Variants in NKAIN2 observed in about 807,000 individuals in gnomAD.
NKAIN2 encodes the protein sodium/potassium-transporting ATPase subunit beta-1-interacting protein 2.
Under a neutral mutation model 32.6 loss-of-function variants are expected in NKAIN2, and 14 were observed. The observed-to-expected ratio is 0.43, with a 90% CI of 0.28 to 0.67. The LOEUF (loss-of-function observed/expected upper bound fraction) is 0.67. Among genes scored for constraint, NKAIN2 ranks in the 30% least tolerant of loss-of-function variants. The probability of loss-of-function intolerance (pLI) is 0.17; values close to 1 mark genes in which losing one functional copy is unlikely to be tolerated. For missense variants in NKAIN2, 198 were observed against 258.3 expected, an observed-to-expected ratio of 0.77 and a Z score of 1.60; for synonymous variants, 80 against 87.2, an observed-to-expected ratio of 0.92 and a Z score of 0.46.
intron 3 of NKAIN2, among the ~76,000 whole-genome samples, chr6:124,539,088 C>G (rs190459761): frequency 6.6e-6 from 1 of 152,206 alleles, no homozygotes; most frequent in Non-Finnish European, 1.5e-5. Context: ...CCATACATTC[C>G]TAATGTGTAG....
intron 4 of NKAIN2, among the ~76,000 whole-genome samples, chr6:124,686,189 C>G (rs1489034028): frequency 6.6e-6 from 1 of 152,134 alleles, no homozygotes; most frequent in East Asian, 1.9e-4. Flanking sequence ...AATATTGCAG[C>G]TTGTTTCTTG....
intron 4 of NKAIN2, among the ~76,000 whole-genome samples, chr6:124,664,924 G>A (rs1456030294): frequency 6.7e-6 from 1 of 149,532 alleles, no homozygotes; most frequent in Non-Finnish European, 1.5e-5. Flanking sequence ...ATGTATACGT[G>A]TATCTTTAAA....
intron 1 of NKAIN2, among the ~76,000 whole-genome samples, chr6:124,201,247 G>A (rs1350883258): frequency 1.3e-5 from 2 of 151,898 alleles, no homozygotes; most frequent in Admixed American, 6.6e-5. Flanking sequence ...GTGGGGGGGC[G>A]ATGGTGATTA....
intron 1 of NKAIN2, among the ~76,000 whole-genome samples, chr6:124,030,187 A>T (rs936752210): frequency 1.3e-5 from 2 of 152,216 alleles, no homozygotes; most frequent in African/African-American, 4.8e-5. Context: ...ATTCTACATT[A>T]TGGTGAGTTA....
chr6:124,455,409 G>A (rs1166534785), intron 3 of NKAIN2, among the ~76,000 whole-genome samples: 2 of 151,916 alleles, frequency 1.3e-5, no homozygotes, highest in Non-Finnish European at 2.9e-5. Flanking sequence ...ACTATGAGTA[G>A]GGTTGATCTA....
At chr6:124,149,558 T>C (rs1471161496) in intron 1 of NKAIN2, among the ~76,000 whole-genome samples, 2 of 152,222 alleles carry the variant, frequency 1.3e-5, no homozygotes, top group Non-Finnish European at 2.9e-5. Context: ...CCCATTGGAT[T>C]ATAGTATGCT....
At chr6:123,817,473 AGTTTGAATT>A (rs1330439989) in intron 1 of NKAIN2, among the ~76,000 whole-genome samples, 1 of 152,128 alleles carries the variant, frequency 6.6e-6, no homozygotes, top group African/African-American at 2.4e-5. Context: ...CTTCAGAAAG[AGTTTGAATT>A]GTCCAGAGGG....
At chr6:124,509,892 T>G (rs1022040324) in intron 3 of NKAIN2, among the ~76,000 whole-genome samples, 1 of 152,196 alleles carries the variant, frequency 6.6e-6, no homozygotes, top group Admixed American at 6.5e-5. Context: ...GTTTTATGCT[T>G]ATTTCAAAAT....
At chr6:124,343,783 C>G (rs994864906) in intron 2 of NKAIN2, among the ~76,000 whole-genome samples, 1 of 149,190 alleles carries the variant, frequency 6.7e-6, no homozygotes, top group Non-Finnish European at 1.5e-5. Flanking sequence ...TTGTAGGTTG[C>G]CTGTTCACTC....
intron 1 of NKAIN2, among the ~76,000 whole-genome samples, chr6:124,237,439 A>G (rs1329449554): frequency 6.6e-6 from 1 of 152,134 alleles, no homozygotes; most frequent in Non-Finnish European, 1.5e-5. Flanking sequence ...GTGGCTAGTT[A>G]GTAAGCAGGG....
At chr6:123,863,475 G>T (rs922577910) in intron 1 of NKAIN2, among the ~76,000 whole-genome samples, 3 of 152,122 alleles carry the variant, frequency 2.0e-5, no homozygotes, top group East Asian at 1.9e-4. Flanking sequence ...GATAATTAAC[G>T]TGTAGAGGGA....
chr6:124,678,394 C>A (rs1407523698), intron 4 of NKAIN2, among the ~76,000 whole-genome samples: 1 of 152,044 alleles, frequency 6.6e-6, no homozygotes. Flanking sequence ...CTTTCTTCAA[C>A]TTTCTTCATT....
intron 1 of NKAIN2, among the ~76,000 whole-genome samples, chr6:124,255,132 C>T (rs370638249): frequency 9.2e-5 from 14 of 152,240 alleles, no homozygotes; most frequent in African/African-American, 2.9e-4. Context: ...TGGCTCATTT[C>T]TTTATAATGC....
At chr6:123,866,461 C>T (rs752657655) in intron 1 of NKAIN2, among the ~76,000 whole-genome samples, 12 of 151,988 alleles carry the variant, frequency 7.9e-5, no homozygotes, top group African/African-American at 1.9e-4. Context: ...GACGGAGTCT[C>T]GCTCTGTCGT....
intron 3 of NKAIN2, among the ~76,000 whole-genome samples, chr6:124,521,667 C>A (rs536234053): frequency 3.3e-5 from 5 of 152,208 alleles, no homozygotes; most frequent in Non-Finnish European, 7.4e-5. Context: ...CAAGAATAAT[C>A]GATTCTTTTC....
chr6:124,475,341 T>A (rs1314199052), intron 3 of NKAIN2, among the ~76,000 whole-genome samples: 1 of 152,168 alleles, frequency 6.6e-6, no homozygotes, highest in Non-Finnish European at 1.5e-5. Context: ...AACACATTGG[T>A]ACTTATGCTA....
At position 124,616,473 on chromosome 6, in the gene NKAIN2, T is replaced by C. The variant is rs1172593188; in HGVS notation, c.274-41713T>C. Among the ~76,000 whole-genome samples the C allele has an allele frequency of 5.4e-4, 17 of 31,372 alleles. 2 individuals are homozygous for C. Among genetic ancestry groups the C allele is most frequent in the Admixed American group, 1.4e-3 (3 of 2,084 alleles). 20.6% of individuals were successfully genotyped at this position (31,372 alleles called of 152,430 possible). ...TTTTTTTTTTTTTTTTTTTTTTTTT[T>C]TTTTTTTTTTTTTTTTTTGTGAGCT... On this transcript the variant is annotated intron_variant, in intron 3 of 6. Transcript: ENST00000368417.
At chr6:124,151,908 T>A (rs114725956) in intron 1 of NKAIN2, among the ~76,000 whole-genome samples, 1,580 of 152,056 alleles carry the variant, frequency 0.01, 24 homozygotes, top group South Asian at 0.041. Context: ...CTCTTTATAT[T>A]TTTTCTATAC....
At chr6:124,506,434 A>G (rs947129215) in intron 3 of NKAIN2, among the ~76,000 whole-genome samples, 1 of 152,208 alleles carries the variant, frequency 6.6e-6, no homozygotes, top group Non-Finnish European at 1.5e-5. Flanking sequence ...GTCTCTGCCC[A>G]GGAGTGAGAA....
Sources: gnomAD v4.1 joint callset for allele counts (sites outside exome capture counted in the v4.1 genomes callset) on GRCh38, gnomAD v4.1.1 for gene constraint, MANE v1.5 for transcripts, NCBI Gene and HGNC (gene_info 2026-07-23, HGNC 2026-07-21) for gene names.